KCNIP4: variants seen among roughly 807,000 people sequenced by gnomAD.
The protein encoded by KCNIP4 is Kv channel-interacting protein 4.
Under a neutral mutation model 34.0 loss-of-function variants are expected in KCNIP4, and 12 were observed. The ratio of observed to expected loss-of-function variants is 0.35; its 90% CI spans 0.23 to 0.57. The LOEUF is 0.57. Ranked by LOEUF, KCNIP4 falls within the 20% of genes least tolerant of loss-of-function variation. The pLI is 0.83. For missense variants in KCNIP4, 238 were observed against 311.7 expected (o/e 0.76, Z 1.78); for synonymous variants, 124 against 102.2 (o/e 1.21, Z -1.29).
chr4:21,119,150 A>G (rs73105377), intron 1 of KCNIP4, among the ~76,000 whole-genome samples: 12,492 of 152,066 alleles, frequency 0.082, 811 homozygotes, highest in African/African-American at 0.17. Context: ...TTTAGAGAGG[A>G]CGATATGCAC....
chr4:20,911,644 G>A (rs962897952), intron 1 of KCNIP4, among the ~76,000 whole-genome samples: 5 of 152,124 alleles, frequency 3.3e-5, no homozygotes, highest in African/African-American at 1.2e-4. Context: ...ACCTAGGTTG[G>A]CAGGGATTAA....
chr4:21,523,929 A>G (rs1735755432), intron 1 of KCNIP4, among the ~76,000 whole-genome samples: 1 of 152,066 alleles, frequency 6.6e-6, no homozygotes, highest in East Asian at 1.9e-4. Context: ...TTAATGATAT[A>G]TTGGATAATG....
intron 1 of KCNIP4, among the ~76,000 whole-genome samples, chr4:21,586,687 C>G (rs922467558): frequency 6.6e-6 from 1 of 152,012 alleles, no homozygotes; most frequent in Admixed American, 6.6e-5. Context: ...GAGCCTGATG[C>G]ATTAGTCACT....
chr4:21,607,108 TTCTG>T (rs1328342271), intron 1 of KCNIP4, among the ~76,000 whole-genome samples: 1 of 152,102 alleles, frequency 6.6e-6, no homozygotes, highest in Non-Finnish European at 1.5e-5. Context: ...GGTGCTTTCA[TTCTG>T]TCTGTCACAA....
chr4:21,254,994 T>C (rs1760967360), intron 1 of KCNIP4, among the ~76,000 whole-genome samples: 1 of 152,184 alleles, frequency 6.6e-6, no homozygotes, highest in Admixed American at 6.5e-5. Context: ...TCATCTTTTC[T>C]TGAAATTTCC....
At chr4:21,096,268 C>T (rs1291409227) in intron 1 of KCNIP4, among the ~76,000 whole-genome samples, 1 of 152,138 alleles carries the variant, frequency 6.6e-6, no homozygotes, top group East Asian at 1.9e-4. Context: ...TCCATCTTTG[C>T]TCTATTTCAC....
Position 21,335,206 on chromosome 4 carries a change from C to T in KCNIP4, c.62-452497G>A, listed in dbSNP as rs1716057600. Among the ~76,000 whole-genome samples the T allele has an allele frequency of 2.0e-5, 3 of 151,996 alleles. No homozygotes were observed. The South Asian group carries it at 6.2e-4, about 32-fold the overall frequency. ...CTCTGCCCTTTTTCCCCTAAATCCC[C>T]TTGTGACTTTGGAAGATAACTGGAC... is the stretch of plus-strand genomic sequence containing the variant. On this transcript the variant is annotated intron_variant, in intron 1 of 8. Coordinates refer to ENST00000382152, the MANE Select transcript of KCNIP4 (RefSeq NM_025221.6).
intron 1 of KCNIP4, among the ~76,000 whole-genome samples, chr4:20,927,989 C>T (rs532957523): frequency 1.5e-4 from 23 of 151,916 alleles, no homozygotes; most frequent in Non-Finnish European, 1.6e-4. Context: ...TTATTCAATT[C>T]GAGCAGGGAT....
At chr4:21,460,104 C>A (rs941827270) in intron 1 of KCNIP4, among the ~76,000 whole-genome samples, 26 of 56,826 alleles carry the variant, frequency 4.6e-4, no homozygotes, top group African/African-American at 8.2e-4. Flanking sequence ...CTGCCCCCCG[C>A]CCCCCATCTC....
chr4:20,931,919 A>AGAGT (rs1323324734), intron 1 of KCNIP4, among the ~76,000 whole-genome samples: 41 of 148,764 alleles, frequency 2.8e-4, no homozygotes, highest in East Asian at 8.0e-4. Context: ...ATAGTCTATA[A>AGAGT]CAGTCTAATA....
At chr4:21,438,958 C>A (rs944770615) in intron 1 of KCNIP4, among the ~76,000 whole-genome samples, 1 of 151,952 alleles carries the variant, frequency 6.6e-6, no homozygotes, top group South Asian at 2.1e-4. Context: ...GTCAGGAGAT[C>A]GAGACCATCC....
intron 1 of KCNIP4, among the ~76,000 whole-genome samples, chr4:21,726,191 G>A (rs931833491): frequency 3.3e-5 from 5 of 151,894 alleles, no homozygotes; most frequent in Admixed American, 1.3e-4. Context: ...GCCTGGAGAT[G>A]TTTACTTCTC....
intron 1 of KCNIP4, chr4:21,762,954 T>A (rs35733545): frequency 0.096 from 124,124 of 1,288,338 alleles, 6,311 homozygotes; most frequent in Middle Eastern, 0.14. Flanking sequence ...ACTTCCGAAG[T>A]CTCCCTCTGG....
chr4:21,252,131 T>TTTG (rs201371708), intron 1 of KCNIP4, among the ~76,000 whole-genome samples: 6,575 of 80,712 alleles, frequency 0.081, 220 homozygotes, highest in African/African-American at 0.39. Context: ...GAGGTTTTGT[T>TTTG]TTTTTTTTTT....
At chr4:21,620,623 ATG>A (rs1445395829) in intron 1 of KCNIP4, among the ~76,000 whole-genome samples, 1 of 152,216 alleles carries the variant, frequency 6.6e-6, no homozygotes, top group Non-Finnish European at 1.5e-5. Flanking sequence ...AAAATAGAAA[ATG>A]AAAAAGAAAA....
At position 20,749,743 on chromosome 4, in the gene KCNIP4, A is replaced by G. The variant is rs922388861; in HGVS notation, c.359-11T>C. On this transcript the variant is annotated splice_polypyrimidine_tract_variant and intron_variant, in intron 4 of 8. Transcript: ENST00000382152. ...CATATGTTGTAGAGTCTGAAATGGTAAAAAGGGAGTATCATTAAGTCAGTG... is the reference window on the plus strand; with the variant it reads ...CATATGTTGTAGAGTCTGAAATGGTGAAAAGGGAGTATCATTAAGTCAGTG... The G allele has an allele frequency of 5.1e-6, 8 of 1,581,714 alleles. No individual in the cohort carries two copies. Among genetic ancestry groups the G allele is most frequent in the Middle Eastern group, 3.4e-4 (2 of 5,970 alleles).
At chr4:21,675,591 T>C (rs1749829084) in intron 1 of KCNIP4, among the ~76,000 whole-genome samples, 1 of 152,032 alleles carries the variant, frequency 6.6e-6, no homozygotes, top group African/African-American at 2.4e-5. Flanking sequence ...TACTCACCAA[T>C]TTTTTTATTA....
chr4:21,036,661 G>A (rs1741471340), intron 1 of KCNIP4, among the ~76,000 whole-genome samples: 1 of 152,208 alleles, frequency 6.6e-6, no homozygotes, highest in African/African-American at 2.4e-5. Context: ...GGGAGGCGGA[G>A]GTTGCAGTGA....
chr4:20,746,749 A>T (rs1360101593), intron 5 of KCNIP4, among the ~76,000 whole-genome samples: 2 of 152,142 alleles, frequency 1.3e-5, no homozygotes, highest in Non-Finnish European at 2.9e-5. Context: ...GGGTGGCAAA[A>T]TGGAGATTAG....
Sources: gnomAD v4.1 joint callset for allele counts (sites outside exome capture counted in the v4.1 genomes callset) on GRCh38, gnomAD v4.1.1 for gene constraint, MANE v1.5 for transcripts, NCBI Gene and HGNC (gene_info 2026-07-23, HGNC 2026-07-21) for gene names.